The following SLC66A3 variants were observed in gnomAD, a reference collection of about 807,000 sequenced individuals.
The protein encoded by SLC66A3 is solute carrier family 66 member 3.
In SLC66A3, 23 loss-of-function variants were observed where a neutral mutation model predicts 25.5. The observed-to-expected ratio is 0.90, with a 90% confidence interval of 0.65 to 1.28. The LOEUF is 1.28. SLC66A3 is among the 50% of genes most tolerant of loss of function. The probability of loss-of-function intolerance (pLI) is 0.00; values close to 1 mark genes in which losing one functional copy is unlikely to be tolerated. For synonymous variants in SLC66A3, 108 were observed against 112.6 expected, an observed-to-expected ratio of 0.96 and a Z score of 0.26; for missense variants, 246 against 262.1, an observed-to-expected ratio of 0.94 and a Z score of 0.42.
chr2:11,172,704 T>C, intron 5 of SLC66A3: 1 of 427,624 alleles, frequency 2.3e-6, no homozygotes, highest in Non-Finnish European at 4.8e-6. Context: ...TTACTTGTCT[T>C]AATTATGTCT....
At position 11,160,544 on chromosome 2, in the gene SLC66A3, G is replaced by A. The variant is rs147655526; in HGVS notation, c.222G>A (p.Ala74=). The part of the protein sequence containing the change: ...LTYLEYPILI[A]QDVILLLCIF... Reference sequence around the variant, plus strand: ...ACCTGGAGTACCCCATCCTCATCGCGCAAGGTAACAGCCCCTTCCCTGTCC... The same window carrying A: ...ACCTGGAGTACCCCATCCTCATCGCACAAGGTAACAGCCCCTTCCCTGTCC... The change falls in exon 2 of 7, where the codon GCG becomes GCA. Residue 74 remains alanine (A), a synonymous_variant. Transcript: ENST00000295083. The A allele has an allele frequency of 1.4e-5, 22 of 1,613,982 alleles. No homozygotes were observed. Among genetic ancestry groups the A allele is most frequent in the East Asian group, 6.7e-5 (3 of 44,892 alleles).
chr2:11,158,937 G>T (rs1353334849), intron 1 of SLC66A3, among the ~76,000 whole-genome samples: 1 of 152,224 alleles, frequency 6.6e-6, no homozygotes, highest in African/African-American at 2.4e-5. Context: ...GGCAAAACCT[G>T]CAGGGGCAGC....
intron 6 of SLC66A3, among the ~76,000 whole-genome samples, chr2:11,177,188 A>G (rs1056871583): frequency 5.9e-5 from 9 of 152,080 alleles, no homozygotes; most frequent in East Asian, 1.9e-4. Context: ...GGCTGGGCAC[A>G]GTGGCTCACG....
At chr2:11,157,187 A>G (rs1394012916) in intron 1 of SLC66A3, among the ~76,000 whole-genome samples, 2 of 152,258 alleles carry the variant, frequency 1.3e-5, no homozygotes, top group Admixed American at 1.3e-4. Flanking sequence ...TAGATCTGCC[A>G]GCTGTCACCT....
At chr2:11,165,105 C>A (rs185268090) in intron 4 of SLC66A3, among the ~76,000 whole-genome samples, 1 of 151,114 alleles carries the variant, frequency 6.6e-6, no homozygotes, top group African/African-American at 2.4e-5. Context: ...CCAGAAGGGG[C>A]GGCCGGGCAG....
At chr2:11,160,800 C>CAAA in intron 3 of SLC66A3, 106 bp downstream of exon 3, 1 of 1,219,670 alleles carries the variant, frequency 8.2e-7, no homozygotes, top group Non-Finnish European at 1.0e-6. Flanking sequence ...TTTGGTTAAA[C>CAAA]TAAAAAAAAA....
chr2:11,155,739 C>T (rs1470895355), intron 1 of SLC66A3, 50 bp downstream of exon 1: 2 of 1,318,696 alleles, frequency 1.5e-6, no homozygotes, highest in South Asian at 3.9e-5. Context: ...GCAGCTGCTG[C>T]CGGCTGGGAG....
chr2:11,170,806 GT>G (rs1283244134), intron 4 of SLC66A3, among the ~76,000 whole-genome samples: 1 of 151,638 alleles, frequency 6.6e-6, no homozygotes, highest in African/African-American at 2.4e-5. Context: ...GGCCAGGCTG[GT>G]CTCAAACTCC....
intron 1 of SLC66A3, among the ~76,000 whole-genome samples, chr2:11,156,903 G>T (rs1661924588): frequency 6.6e-6 from 1 of 152,192 alleles, no homozygotes; most frequent in African/African-American, 2.4e-5. Context: ...TGAGGTTGTG[G>T]CAAAGGACAC....
At chr2:11,168,112 C>T (rs1206061031) in intron 4 of SLC66A3, among the ~76,000 whole-genome samples, 1 of 151,964 alleles carries the variant, frequency 6.6e-6, no homozygotes, top group Admixed American at 6.6e-5. Flanking sequence ...AACCTCGTCT[C>T]TACTAAAAAT....
chr2:11,171,805 T>C (rs1000580810), intron 4 of SLC66A3, 120 bp from the exon 5 acceptor site: 8 of 960,384 alleles, frequency 8.3e-6, no homozygotes, highest in African/African-American at 3.3e-5. Flanking sequence ...CCTGACCTCA[T>C]GATCTGCCTG....
At chr2:11,171,130 CA>C (rs777464035) in intron 4 of SLC66A3, among the ~76,000 whole-genome samples, 46 of 152,004 alleles carry the variant, frequency 3.0e-4, no homozygotes, top group Non-Finnish European at 5.0e-4. Flanking sequence ...CCAGCCTGGC[CA>C]ATGTGGCGAA....
chr2:11,176,890 T>TAATC (rs1662773303), intron 6 of SLC66A3, among the ~76,000 whole-genome samples: 1 of 151,744 alleles, frequency 6.6e-6, no homozygotes, highest in South Asian at 2.1e-4. Flanking sequence ...AACACAAAGA[T>TAATC]ATCTTAAATC....
At chr2:11,165,992 A>G (rs1236526502) in intron 4 of SLC66A3, among the ~76,000 whole-genome samples, 1 of 152,228 alleles carries the variant, frequency 6.6e-6, no homozygotes, top group Non-Finnish European at 1.5e-5. Flanking sequence ...GCTCGGCATC[A>G]GAGGGAGACC....
At chr2:11,159,615 C>A (rs1401500150) in intron 1 of SLC66A3, among the ~76,000 whole-genome samples, 3 of 152,170 alleles carry the variant, frequency 2.0e-5, no homozygotes, top group Non-Finnish European at 4.4e-5. Context: ...AGATTGGAGA[C>A]CCTGGGGGGC....
intron 4 of SLC66A3, among the ~76,000 whole-genome samples, chr2:11,164,764 A>G (rs1469821464): frequency 3.9e-5 from 6 of 152,002 alleles, no homozygotes; most frequent in Non-Finnish European, 8.8e-5. Flanking sequence ...GCCTTCAAGC[A>G]TCTGTTTAAC....
At chr2:11,169,839 T>C (rs956782277) in intron 4 of SLC66A3, among the ~76,000 whole-genome samples, 33 of 129,136 alleles carry the variant, frequency 2.6e-4, no homozygotes, top group African/African-American at 9.0e-4. Flanking sequence ...ATTTCTCTCT[T>C]TTTTTTTTTT....
At chr2:11,163,691 G>A (rs112040535) in intron 3 of SLC66A3, among the ~76,000 whole-genome samples, 2 of 152,204 alleles carry the variant, frequency 1.3e-5, no homozygotes, top group South Asian at 2.1e-4. Context: ...CTCTATTCCC[G>A]TGGCGTCACC....
intron 6 of SLC66A3, among the ~76,000 whole-genome samples, 153 bp from the exon 7 acceptor site, chr2:11,177,584 T>G (rs938682821): frequency 2.0e-5 from 3 of 152,222 alleles, no homozygotes; most frequent in African/African-American, 7.2e-5. Flanking sequence ...ATTGTCATGA[T>G]AGGGAGATCA....
Sources: allele counts gnomAD v4.1 joint callset (sites outside exome capture counted in the v4.1 genomes callset), GRCh38; gene constraint gnomAD v4.1.1; transcripts MANE v1.5; gene names NCBI Gene and HGNC (gene_info 2026-07-23, HGNC 2026-07-21).